PDCL3: variants seen among roughly 807,000 people sequenced by gnomAD.
The protein encoded by PDCL3 is phosducin like 3.
A neutral mutation model predicts 26.5 loss-of-function variants in PDCL3; 22 were observed. The observed-to-expected ratio is 0.83, with a 90% CI of 0.59 to 1.19. The LOEUF is 1.19. Ranked by LOEUF, PDCL3 falls within the 50% of genes most tolerant of loss-of-function variation. The pLI is 0.00. For missense variants in PDCL3, 246 were observed against 294.1 expected, an observed-to-expected ratio of 0.84 and a Z score of 1.20; for synonymous variants, 81 against 104.9, an observed-to-expected ratio of 0.77 and a Z score of 1.39.
chr2:100,571,888 ATGG>A, intron 5 of PDCL3, 90 bp downstream of exon 5: 1 of 1,216,674 alleles, frequency 8.2e-7, no homozygotes, highest in Non-Finnish European at 1.2e-6. Flanking sequence ...TCCTGTTACG[ATGG>A]TGGGTCAAGT....
chr2:100,574,089 A>C (rs1675234181), intron 5 of PDCL3, among the ~76,000 whole-genome samples: 1 of 152,052 alleles, frequency 6.6e-6, no homozygotes, highest in Admixed American at 6.6e-5. Flanking sequence ...CTCCAGCCTC[A>C]GCCTCCCGGG....
chr2:100,565,981 G>A (rs1675052299), intron 1 of PDCL3, among the ~76,000 whole-genome samples: 1 of 152,128 alleles, frequency 6.6e-6, no homozygotes, highest in African/African-American at 2.4e-5. Flanking sequence ...TCGGCTCACT[G>A]CAAGCTCCGC....
rs1304825169 is a variant in PDCL3 at position 100,576,689 on chromosome 2, T to C, written c.*193T>C. The C allele has an allele frequency of 2.3e-5, 13 of 553,318 alleles. No homozygotes were observed. Among genetic ancestry groups the C allele is most frequent in the Non-Finnish European group, 8.1e-6 (3 of 371,442 alleles). 34.3% of individuals were successfully genotyped at this position (553,318 alleles called of 1,614,324 possible). A position where few individuals can be genotyped will look rare whatever the true frequency, so the allele number is the denominator to read the frequency against. On this transcript the variant is annotated 3_prime_UTR_variant, in exon 6 of 6. Transcript: ENST00000264254. Reference sequence around the variant, plus strand: ...TGGAACTCTTTTTTTTTTTAAATTATAGTATTTCCTCTAAAAAAAATTAAA... The same window carrying C: ...TGGAACTCTTTTTTTTTTTAAATTACAGTATTTCCTCTAAAAAAAATTAAA...
chr2:100,563,726 A>T (rs1573276337), intron 1 of PDCL3, among the ~76,000 whole-genome samples: 1 of 151,950 alleles, frequency 6.6e-6, no homozygotes, highest in East Asian at 1.9e-4. Flanking sequence ...TGAAAACACC[A>T]TGGAAATGGG....
At chr2:100,563,173 C>A (rs1165962503) in intron 1 of PDCL3, 100 bp downstream of exon 1, 2 of 1,443,988 alleles carry the variant, frequency 1.4e-6, no homozygotes, top group African/African-American at 1.5e-5. Flanking sequence ...GAAGCTCCGG[C>A]GCCGCAGGCA....
At chr2:100,571,472 C>T in intron 4 of PDCL3, 118 bp from the exon 5 acceptor site, 1 of 881,154 alleles carries the variant, frequency 1.1e-6, no homozygotes, top group Non-Finnish European at 1.7e-6. Context: ...TCTTAGCTAG[C>T]AGCAGAATTA....
intron 1 of PDCL3, 85 bp downstream of exon 1, chr2:100,563,158 T>C: frequency 6.7e-7 from 1 of 1,482,624 alleles, no homozygotes; most frequent in South Asian, 1.3e-5. Context: ...ACGCCCGCCC[T>C]GGGGGAAGCT....
chr2:100,575,371 G>A (rs940270677), intron 5 of PDCL3, among the ~76,000 whole-genome samples: 22 of 152,116 alleles, frequency 1.4e-4, no homozygotes, highest in Non-Finnish European at 1.8e-4. Flanking sequence ...TCCAGACTTC[G>A]TGATCCGCCC....
Position 100,569,591 on chromosome 2 carries a change from G to T in PDCL3, c.238G>T (p.Ala80Ser), listed in dbSNP as rs761953587. Residue 80 changes from alanine (A) to serine (S), a missense_variant, in exon 4 of 6, where the codon GCT becomes TCT. Transcript: ENST00000264254. ...AIEMYRRRRL[A>S]EWKATKLKNK... ...TGTTTTGTGCAGACGGCGGAGACTG[G>T]CTGAGTGGAAAGCAACTAAACTGAA... 3.1e-6 allele frequency: 5 copies of T among 1,613,246 alleles called. No individual in the cohort carries two copies. In the Admixed American group the frequency reaches 8.3e-5, roughly 27 times the overall value.
chr2:100,574,675 T>TTAG (rs1675243742), intron 5 of PDCL3, among the ~76,000 whole-genome samples: 1 of 152,240 alleles, frequency 6.6e-6, no homozygotes, highest in Non-Finnish European at 1.5e-5. Context: ...GTAGTTACCA[T>TTAG]GTTCTACATT....
rs1224155645 is a variant in PDCL3, at chr2:100,569,961, T to C, written c.368+240T>C. 4.6e-5 allele frequency among the ~76,000 whole-genome samples: 7 copies of C among 152,004 alleles called. 1 individual carries two copies. The South Asian group carries it at 8.3e-4, about 18-fold the overall frequency. On this transcript the variant is annotated intron_variant, in intron 4 of 5. Coordinates refer to ENST00000264254, the MANE Select transcript of PDCL3 (RefSeq NM_024065.5). ...CTCTACTAAAAATACAAAAACAAAA[T>C]TAGCTGGGCGTGGTCGCGGGCGCCT...
At chr2:100,563,196 G>C in intron 1 of PDCL3, 123 bp downstream of exon 1, 1 of 1,248,898 alleles carries the variant, frequency 8.0e-7, no homozygotes, top group South Asian at 1.5e-5. Context: ...AGGGAGGCCC[G>C]GCGCGTCCAG....
intron 4 of PDCL3, among the ~76,000 whole-genome samples, chr2:100,570,278 G>T (rs548213893): frequency 6.6e-6 from 1 of 152,118 alleles, no homozygotes; most frequent in East Asian, 1.9e-4. Context: ...TTTTTGAAAA[G>T]GAATTCCTAA....
intron 4 of PDCL3, among the ~76,000 whole-genome samples, chr2:100,570,018 G>A (rs1448424317): frequency 1.3e-5 from 2 of 152,100 alleles, no homozygotes; most frequent in Non-Finnish European, 2.9e-5. Context: ...GCTGAGGTGG[G>A]AGAATGGCAT....
intron 1 of PDCL3, 112 bp downstream of exon 1, chr2:100,563,185 G>T (rs184997303): frequency 1.5e-5 from 20 of 1,372,764 alleles, no homozygotes; most frequent in East Asian, 1.3e-4. Context: ...CCGCAGGCAC[G>T]AGGGAGGCCC....
chr2:100,566,073 T>G (rs1019059103), intron 1 of PDCL3, among the ~76,000 whole-genome samples: 1 of 151,998 alleles, frequency 6.6e-6, no homozygotes, highest in Non-Finnish European at 1.5e-5. Flanking sequence ...TCGGCTAATT[T>G]TTTGTATTTT....
intron 2 of PDCL3, among the ~76,000 whole-genome samples, chr2:100,567,607 G>A (rs554301374): frequency 1.7e-4 from 26 of 152,224 alleles, no homozygotes; most frequent in Non-Finnish European, 2.9e-4. Context: ...ACCTGAAGGA[G>A]GTGAAGAAGA....
intron 1 of PDCL3, among the ~76,000 whole-genome samples, chr2:100,564,106 T>G (rs1389895019): frequency 6.6e-6 from 1 of 151,592 alleles, no homozygotes; most frequent in Non-Finnish European, 1.5e-5. Context: ...GGTCTCCCTA[T>G]GTTGCCCAGC....
rs1467365057 is a variant in PDCL3, at chr2:100,567,082, AG to A, written c.133+454del. On this transcript the variant is annotated intron_variant, in intron 2 of 5. Transcript: ENST00000264254. Reference sequence around the variant, plus strand: ...AAGGCAGTTGTACTGTCTGAATTGGAGTCCCTTGGAGTGCTGGTAACCCCAC... The same window carrying A: ...AAGGCAGTTGTACTGTCTGAATTGGATCCCTTGGAGTGCTGGTAACCCCAC... Among the ~76,000 whole-genome samples the A allele has an allele frequency of 7.2e-5, 11 of 152,170 alleles. No homozygotes were observed. In the East Asian group the frequency reaches 2.1e-3, roughly 29 times the overall value.
Sources: allele counts gnomAD v4.1 joint callset (sites outside exome capture counted in the v4.1 genomes callset), GRCh38; gene constraint gnomAD v4.1.1; transcripts MANE v1.5; gene names NCBI Gene and HGNC (gene_info 2026-07-23, HGNC 2026-07-21).